Variants in GTF3C1 observed in about 807,000 individuals in gnomAD.
GTF3C1 encodes general transcription factor IIIC subunit 1, also known as general transcription factor 3C polypeptide 1.
In GTF3C1, 57 loss-of-function variants were observed where a neutral mutation model predicts 226.7. The ratio of observed to expected loss-of-function variants is 0.25; its 90% CI spans 0.20 to 0.31. The LOEUF (loss-of-function observed/expected upper bound fraction) is 0.31. Among genes scored for constraint, GTF3C1 ranks in the 10% least tolerant of loss-of-function variants. GTF3C1 has a pLI of 1.00. For missense variants in GTF3C1, 2,217 were observed against 2,776.1 expected (o/e 0.80, Z 4.53); for synonymous variants, 1,090 against 1,084.8 (o/e 1.00, Z -0.09).
chr16:27,471,819 C>G lies in GTF3C1; in HGVS notation c.4455G>C (p.Thr1485=). The G allele has an allele frequency of 6.2e-7, 1 of 1,614,024 alleles. No individual in the cohort carries two copies. The highest frequency in any genetic ancestry group is 8.5e-7 in the Non-Finnish European group (1 of 1,179,946). The change falls in exon 30 of 37, where the codon ACG becomes ACC. Residue 1485 remains threonine (T), a synonymous_variant. Coordinates refer to ENST00000356183, the MANE Select transcript of GTF3C1 (RefSeq NM_001520.4). The surrounding 1 kb of genome is among the most constrained non-coding windows in gnomAD (Gnocchi z 5.0). ...GGGCCCGGTTCTTCTTGGGGCCCAG[C>G]GTGTGGTTGACCCGGCGCCGGTTGA... The part of the protein sequence containing the change: ...SLVNRRRVNH[T]LGPKKNRALP...
intron 2 of GTF3C1, among the ~76,000 whole-genome samples, chr16:27,544,214 C>T (rs900100305): frequency 1.3e-5 from 2 of 151,832 alleles, no homozygotes; most frequent in Non-Finnish European, 2.9e-5. Context: ...CATGGCAAGA[C>T]CCCACCTCTA....
chr16:27,533,707 C>A (rs1402020365), intron 4 of GTF3C1, among the ~76,000 whole-genome samples: 1 of 152,166 alleles, frequency 6.6e-6, no homozygotes, highest in Non-Finnish European at 1.5e-5. Flanking sequence ...TAGGAAGTAT[C>A]ACACATATCT....
rs764019793 is a variant in GTF3C1 at position 27,463,550 on chromosome 16, G to C, written c.5915C>G (p.Ala1972Gly). Residue 1972 changes from alanine (A) to glycine (G), a missense_variant, in exon 35 of 37, where the codon GCA (alanine) becomes GGA (glycine). Ala to Gly is a moderately conservative substitution (Grantham distance 60). This residue lies in a region of GTF3C1 where 153 missense variants were observed against 199.8 expected (regional missense o/e 0.77). Transcript: ENST00000356183. The surrounding 1 kb of genome is among the most constrained non-coding windows in gnomAD (Gnocchi z 4.9). ...SFGAANISQA[A>G]RERDCESVCF... Reference sequence around the variant, plus strand: ...AGAACCCCACACCCACCTTTCCCGTGCTGCCTGGGAGATGTTGGCAGCTCC... The same window carrying C: ...AGAACCCCACACCCACCTTTCCCGTCCTGCCTGGGAGATGTTGGCAGCTCC... 6.9e-6 allele frequency: 11 copies of C among 1,595,470 alleles called. No homozygotes were observed. Among genetic ancestry groups the C allele is most frequent in the Non-Finnish European group, 9.5e-6 (11 of 1,162,996 alleles).
At chr16:27,527,193 G>A (rs182890028) in intron 6 of GTF3C1, among the ~76,000 whole-genome samples, 1 of 152,314 alleles carries the variant, frequency 6.6e-6, no homozygotes, top group East Asian at 1.9e-4. Context: ...GGGAAATAGA[G>A]CGAGACCCTG....
intron 6 of GTF3C1, among the ~76,000 whole-genome samples, chr16:27,522,787 T>C (rs2141429210): frequency 6.6e-6 from 1 of 152,376 alleles, no homozygotes; most frequent in South Asian, 2.1e-4. Flanking sequence ...ATTTTGTAGT[T>C]TTCACAGCGT....
chr16:27,483,016 C>A (rs1437724588), intron 26 of GTF3C1, 28 bp downstream of exon 26: 1 of 1,600,864 alleles, frequency 6.2e-7, no homozygotes. Context: ...CCCAAGCATA[C>A]CAAGCCCTAC....
chr16:27,547,552 AC>A (rs1366497552), intron 1 of GTF3C1, among the ~76,000 whole-genome samples: 1 of 151,704 alleles, frequency 6.6e-6, no homozygotes, highest in Non-Finnish European at 1.5e-5. Flanking sequence ...CTTCATCCCC[AC>A]GCCCACCATG....
Position 27,504,633 on chromosome 16 carries a change from T to C in GTF3C1, c.1770+1266A>G, listed in dbSNP as rs184018646. ...CTTACAGGGCTGAATGAAACAGCAG[T>C]GGCCAGGCGCAGTGGCTCACGCCTG... On this transcript the variant is annotated intron_variant, in intron 10 of 36. Coordinates refer to ENST00000356183, the MANE Select transcript of GTF3C1 (RefSeq NM_001520.4). Among the ~76,000 whole-genome samples, 817 of 152,232 alleles carry C rather than the reference T, an allele frequency of 5.4e-3. 4 individuals carry two copies. Among genetic ancestry groups the C allele is most frequent in the African/African-American group, 0.019 (786 of 41,536 alleles).
chr16:27,470,289 T>C lies in GTF3C1; in HGVS notation c.4633A>G (p.Lys1545Glu), dbSNP rs1206549687. 1.2e-6 allele frequency: 2 copies of C among 1,614,024 alleles called. No homozygotes were observed. The highest frequency in any genetic ancestry group is 3.3e-5 in the Admixed American group (2 of 60,022). The change falls in exon 31 of 37, where the codon AAA (lysine) becomes GAA (glutamate). Residue 1545 changes from lysine (K) to glutamate (E), a missense_variant. Lys to Glu is a moderately conservative substitution (Grantham distance 56). Transcript: ENST00000356183. The surrounding 1 kb of genome is among the most constrained non-coding windows in gnomAD (Gnocchi z 4.9). ...KLDQPDRFSF[K>E]DQDNNEPTND... is the part of the protein sequence containing the mutation. The stretch of plus-strand genomic sequence containing the variant: ...GTGGGCTCGTTATTATCCTGGTCTT[T>C]GAAAGAGAAACGATCAGGCTGGTCC...
intron 2 of GTF3C1, among the ~76,000 whole-genome samples, chr16:27,541,723 G>A (rs2089086747): frequency 6.6e-6 from 1 of 152,152 alleles, no homozygotes; most frequent in South Asian, 2.1e-4. Context: ...AGACAAAAAG[G>A]AGCCCAGCAT....
At chr16:27,515,303 A>G (rs1831230226) in intron 6 of GTF3C1, among the ~76,000 whole-genome samples, 1 of 151,948 alleles carries the variant, frequency 6.6e-6, no homozygotes, top group South Asian at 2.1e-4. Context: ...AAAATTAGCT[A>G]TAGGCGTTGG....
chr16:27,543,300 C>T (rs562233112), intron 2 of GTF3C1, among the ~76,000 whole-genome samples: 4 of 152,160 alleles, frequency 2.6e-5, no homozygotes, highest in African/African-American at 7.2e-5. Context: ...GCAGGAGAAT[C>T]GCTTGAACCT....
chr16:27,520,197 C>A (rs933308869), intron 6 of GTF3C1, among the ~76,000 whole-genome samples: 1 of 152,198 alleles, frequency 6.6e-6, no homozygotes, highest in Non-Finnish European at 1.5e-5. Flanking sequence ...TCACTGCAAC[C>A]TCCACCTCCT....
chr16:27,494,931 C>A (rs1313715015), intron 15 of GTF3C1, 23 bp from the exon 16 acceptor site: 6 of 1,605,450 alleles, frequency 3.7e-6, no homozygotes, highest in Middle Eastern at 1.8e-4. Flanking sequence ...CGCACGGTTA[C>A]CCCCGGCAGC....
At position 27,464,463 on chromosome 16, in the gene GTF3C1, G is replaced by T. The variant is rs2087752503; in HGVS notation, c.5729C>A (p.Pro1910Gln). ...GTCTTCAAGAGCTGGGGGTGGAGAT[G>T]GGGCCTGGGCTTCTGCCCCATCTTC... is the stretch of plus-strand genomic sequence containing the variant. Reference protein sequence around the residue: ...GAEDGAEAQAPSPPPALEDTA... With the variant: ...GAEDGAEAQAQSPPPALEDTA... Residue 1910 changes from proline (P) to glutamine (Q), a missense_variant, in exon 34 of 37, where the codon CCA becomes CAA. Transcript: ENST00000356183. The T allele has an allele frequency of 6.3e-7, 1 of 1,592,248 alleles. No individual in the cohort carries two copies. Among genetic ancestry groups the T allele is most frequent in the East Asian group, 2.3e-5 (1 of 44,116 alleles).
chr16:27,531,423 G>T (rs997908648), intron 5 of GTF3C1, among the ~76,000 whole-genome samples: 1 of 152,168 alleles, frequency 6.6e-6, no homozygotes, highest in Non-Finnish European at 1.5e-5. Flanking sequence ...TGTGCTTTTG[G>T]CACAGCTCTT....
chr16:27,521,411 G>A (rs2088747201), intron 6 of GTF3C1, among the ~76,000 whole-genome samples: 1 of 152,186 alleles, frequency 6.6e-6, no homozygotes. Context: ...CAGTCCTCAC[G>A]CTCCTCCTAC....
At chr16:27,502,617 T>C (rs2088423218) in intron 11 of GTF3C1, among the ~76,000 whole-genome samples, 1 of 152,190 alleles carries the variant, frequency 6.6e-6, no homozygotes, top group Non-Finnish European at 1.5e-5. Flanking sequence ...ATTTTCTCTC[T>C]GTCTAGCATG....
chr16:27,533,153 G>A (rs891236084), intron 5 of GTF3C1, 138 bp downstream of exon 5: 7 of 534,284 alleles, frequency 1.3e-5, no homozygotes, highest in Non-Finnish European at 2.4e-5. Context: ...GAAAAAAACA[G>A]CAAACAAAGG....
Sources: gnomAD v4.1 joint callset for allele counts (sites outside exome capture counted in the v4.1 genomes callset) on GRCh38, gnomAD v4.1.1 for gene constraint, gnomAD v4.1.1 regional missense constraint, Gnocchi (gnomAD v3.1) non-coding constraint, MANE v1.5 for transcripts, NCBI Gene and HGNC (gene_info 2026-07-23, HGNC 2026-07-21) for gene names.